Variants in TEX11 observed in about 807,000 individuals in gnomAD.
TEX11 encodes the protein testis-expressed protein 11.
In TEX11, 7 loss-of-function variants were observed where a neutral mutation model predicts 84.4. The ratio of observed to expected loss-of-function variants is 0.08; its 90% CI spans 0.05 to 0.16. The LOEUF is 0.16. Ranked by LOEUF, TEX11 falls within the 10% of genes least tolerant of loss-of-function variation. The pLI, the probability that TEX11 is intolerant of heterozygous loss-of-function variation, is 1.00. For synonymous variants in TEX11, 264 were observed against 222.8 expected (o/e 1.18, Z -1.64); for missense variants, 551 against 660.5 (o/e 0.83, Z 1.82).
intron 28 of TEX11, among the ~76,000 whole-genome samples, chrX:70,534,713 C>A (rs964905685): frequency 8.9e-6 from 1 of 111,800 alleles, no homozygotes; most frequent in Admixed American, 9.5e-5. Flanking sequence ...AAATGCCTGT[C>A]CTTTTAGGCT....
At chrX:70,694,259 G>T (rs950012436) in intron 13 of TEX11, among the ~76,000 whole-genome samples, 2 of 111,015 alleles carry the variant, frequency 1.8e-5, no homozygotes, top group African/African-American at 3.3e-5. Context: ...TGGCCAGGAT[G>T]GTCTCAACCT....
At chrX:70,570,845 A>G (rs1342324251) in intron 25 of TEX11, among the ~76,000 whole-genome samples, 1 of 111,684 alleles carries the variant, frequency 9.0e-6, no homozygotes, top group Non-Finnish European at 1.9e-5. Flanking sequence ...GTTGTTCACA[A>G]TATCCTTTTT....
At chrX:70,782,345 T>G (rs974588536) in intron 9 of TEX11, among the ~76,000 whole-genome samples, 1 of 111,099 alleles carries the variant, frequency 9.0e-6, no homozygotes, top group Admixed American at 9.6e-5. Flanking sequence ...GAACAACTGG[T>G]ACCAGCCACT....
At chrX:70,884,353 G>C (rs989714692) in intron 2 of TEX11, among the ~76,000 whole-genome samples, 1 of 111,779 alleles carries the variant, frequency 8.9e-6, no homozygotes, top group Non-Finnish European at 1.9e-5. Context: ...GGAAGGATCT[G>C]GAACAAGTGA....
intron 9 of TEX11, among the ~76,000 whole-genome samples, chrX:70,771,796 C>T (rs1336857499): frequency 1.8e-5 from 2 of 111,705 alleles, no homozygotes; most frequent in Non-Finnish European, 3.8e-5. Flanking sequence ...AGGTCTTAGG[C>T]CCACCACTAT....
rs1167182936 is a variant in TEX11, at chrX:70,792,287, C to CA, written c.692+14417dup. ...TGAGCTACAGGGCAAGGCTCTGTCT[C>CA]AAAAAAAAAAAAAAAAAAAAAAAAA... On this transcript the variant is annotated intron_variant, in intron 9 of 29. Transcript: ENST00000374333. 1.1e-3 allele frequency among the ~76,000 whole-genome samples: 2 copies of CA among 1,810 alleles called. 1 individual carries two copies. Among genetic ancestry groups the CA allele is most frequent in the Non-Finnish European group, 3.6e-3 (2 of 559 alleles). The allele number at this position is 1,810 out of a possible 115,157, so 1.6% of individuals were successfully genotyped here.
intron 20 of TEX11, 119 bp downstream of exon 20, chrX:70,623,831 C>T (rs1012234461): frequency 3.7e-6 from 2 of 537,466 alleles, no homozygotes; most frequent in African/African-American, 2.4e-5. Context: ...GGAAGACTGG[C>T]CCCAAAACCT....
intron 2 of TEX11, among the ~76,000 whole-genome samples, chrX:70,889,121 A>C (rs2147879091): frequency 9.0e-6 from 1 of 111,254 alleles, no homozygotes; most frequent in East Asian, 2.8e-4. Context: ...AATGAGCAAT[A>C]AAAAATCATC....
intron 25 of TEX11, among the ~76,000 whole-genome samples, chrX:70,581,436 C>G (rs1302978489): frequency 9.2e-6 from 1 of 108,177 alleles, no homozygotes; most frequent in African/African-American, 3.4e-5. Context: ...GTAGCTGGGA[C>G]TATAGGCATG....
chrX:70,631,133 T>A (rs1358697381), intron 17 of TEX11, among the ~76,000 whole-genome samples: 7 of 112,023 alleles, frequency 6.2e-5, no homozygotes, highest in African/African-American at 1.9e-4. Context: ...CACTTAACAC[T>A]AAATCAACTT....
chrX:70,609,220 T>C (rs375047158), intron 21 of TEX11, 43 bp from the exon 22 acceptor site: 122 of 1,091,274 alleles, frequency 1.1e-4, no homozygotes, highest in Non-Finnish European at 1.4e-4. Flanking sequence ...TCTTATTTTA[T>C]ACTCTAGCAA....
intron 17 of TEX11, among the ~76,000 whole-genome samples, chrX:70,650,687 T>C (rs1218580246): frequency 3.6e-5 from 4 of 111,847 alleles, no homozygotes; most frequent in African/African-American, 6.5e-5. Context: ...TTGTACGTAG[T>C]AGGTGTCCAA....
intron 25 of TEX11, among the ~76,000 whole-genome samples, chrX:70,577,878 C>T (rs1259872581): frequency 9.1e-6 from 1 of 110,398 alleles, no homozygotes; most frequent in African/African-American, 3.3e-5. Flanking sequence ...CAGGTACCCA[C>T]CACCACGCCA....
In TEX11 at chrX:70,906,656, G is replaced by A. The variant is rs369381434; in HGVS notation, c.37+1097C>T. On this transcript the variant is annotated intron_variant, in intron 2 of 29. Coordinates refer to ENST00000374333, the MANE Select transcript of TEX11 (RefSeq NM_031276.3). ...CAAAAAATTAGCCAGGCATGGTGGC[G>A]CGGGCCTGTAGTCCCAGCTACTTGG... Among the ~76,000 whole-genome samples, 11 of 110,110 alleles carry A rather than the reference G, an allele frequency of 1.0e-4. No homozygotes were observed. In the East Asian group the frequency reaches 1.7e-3, roughly 17 times the overall value.
intron 17 of TEX11, among the ~76,000 whole-genome samples, chrX:70,642,298 A>G (rs1328692961): frequency 3.6e-5 from 4 of 111,397 alleles, no homozygotes; most frequent in African/African-American, 9.8e-5. Flanking sequence ...ACCAAAAAGA[A>G]TCCAGGACCA....
intron 11 of TEX11, among the ~76,000 whole-genome samples, chrX:70,729,899 C>A (rs1363063919): frequency 1.9e-4 from 21 of 111,968 alleles, no homozygotes; most frequent in African/African-American, 2.9e-4. Flanking sequence ...ATGTTACGGG[C>A]AGCCAGACAG....
chrX:70,600,341 A>G (rs569758962), intron 24 of TEX11, among the ~76,000 whole-genome samples: 1 of 111,518 alleles, frequency 9.0e-6, no homozygotes, highest in South Asian at 3.9e-4. Context: ...TATGCACCCA[A>G]TACAGGAGCA....
chrX:70,718,801 T>C (rs1170501172), intron 13 of TEX11, among the ~76,000 whole-genome samples: 2 of 111,346 alleles, frequency 1.8e-5, no homozygotes, highest in Non-Finnish European at 3.8e-5. Context: ...CTAGTCAACA[T>C]TGGGCTATAA....
intron 17 of TEX11, among the ~76,000 whole-genome samples, chrX:70,647,506 G>T (rs1473163882): frequency 9.1e-6 from 1 of 109,799 alleles, no homozygotes; most frequent in Non-Finnish European, 1.9e-5. Context: ...GAGCCCAGGA[G>T]TTTGAGGCCA....
Sources: gnomAD v4.1 joint callset for allele counts (sites outside exome capture counted in the v4.1 genomes callset) on GRCh38, gnomAD v4.1.1 for gene constraint, MANE v1.5 for transcripts, NCBI Gene and HGNC (gene_info 2026-07-23, HGNC 2026-07-21) for gene names.